The following GNA12 variants were observed in gnomAD, a reference collection of about 807,000 sequenced individuals.
The protein encoded by GNA12 is G protein subunit alpha 12.
In GNA12, 9 loss-of-function variants were observed where a neutral mutation model predicts 26.0. The observed-to-expected ratio is 0.35, with a 90% CI of 0.21 to 0.60. The LOEUF (loss-of-function observed/expected upper bound fraction) is 0.60, where lower values mean the gene tolerates loss of function less well. Among genes scored for constraint, GNA12 ranks in the 20% least tolerant of loss-of-function variants. GNA12 has a pLI of 0.78. For synonymous variants in GNA12, 264 were observed against 219.6 expected, an observed-to-expected ratio of 1.20 and a Z score of -1.79; for missense variants, 405 against 525.8, an observed-to-expected ratio of 0.77 and a Z score of 2.25.
rs140322696 is a variant in GNA12, at chr7:2,731,302, C to A, written c.1025G>T (p.Arg342Leu). Reference protein sequence around the residue: ...VQCFDRKRRNRSKPLFHHFTT... With the variant: ...VQCFDRKRRNLSKPLFHHFTT... ...GAAGTGGTGGAAGAGTGGCTTGCTG[C>A]GGTTCCGTCTCTTCCTGTCGAAGCA... Residue 342 changes from arginine (R) to leucine (L), a missense_variant, in exon 4 of 4, where the codon CGC becomes CTC. Transcript: ENST00000275364. This position sits in a 1 kb window ranked among gnomAD's most constrained non-coding sequence, Gnocchi z 6.0. 4 of 1,613,682 alleles carry A rather than the reference C, an allele frequency of 2.5e-6. No homozygotes were observed. The Admixed American group carries it at 6.7e-5, about 27-fold the overall frequency.
chr7:2,794,185 CA>C (rs1792590246), intron 2 of GNA12, among the ~76,000 whole-genome samples: 1 of 152,118 alleles, frequency 6.6e-6, no homozygotes, highest in Non-Finnish European at 1.5e-5. Flanking sequence ...GGTATTATGG[CA>C]AAATCATAAG....
At chr7:2,794,839 C>T in intron 2 of GNA12, 89 bp downstream of exon 2, 2 of 950,962 alleles carry the variant, frequency 2.1e-6, no homozygotes, top group South Asian at 1.4e-5. Flanking sequence ...GACTGTTACA[C>T]AGTTTTTAAG....
intron 2 of GNA12, among the ~76,000 whole-genome samples, chr7:2,747,903 T>C: frequency 6.6e-6 from 1 of 151,836 alleles, no homozygotes; most frequent in African/African-American, 2.4e-5. Context: ...TGAACTCCCA[T>C]TCACAATTGC....
At chr7:2,804,471 G>A (rs1411173648) in intron 1 of GNA12, among the ~76,000 whole-genome samples, 1 of 152,174 alleles carries the variant, frequency 6.6e-6, no homozygotes, top group East Asian at 1.9e-4. Context: ...TCTTGTAGAT[G>A]AGCCTGCTAC....
At chr7:2,735,306 T>C (rs1583208803) in intron 2 of GNA12, among the ~76,000 whole-genome samples, 1 of 152,312 alleles carries the variant, frequency 6.6e-6, no homozygotes, top group East Asian at 1.9e-4. Flanking sequence ...CAAGCCACCC[T>C]TGCCCGTTTC....
intron 1 of GNA12, chr7:2,814,398 C>T: frequency 1.3e-6 from 2 of 1,527,054 alleles, no homozygotes; most frequent in East Asian, 2.2e-5. Flanking sequence ...CCCTGCAAGT[C>T]AACATTTAAG....
intron 1 of GNA12, among the ~76,000 whole-genome samples, chr7:2,831,435 A>C: frequency 1.6e-5 from 2 of 128,084 alleles, no homozygotes; most frequent in Admixed American, 9.3e-5. Context: ...ATGGAGTCTC[A>C]CTCTGTCGCC....
chr7:2,744,286 C>G (rs939569067), intron 2 of GNA12, among the ~76,000 whole-genome samples: 2 of 152,210 alleles, frequency 1.3e-5, no homozygotes, highest in African/African-American at 4.8e-5. Flanking sequence ...GGCGGACTGA[C>G]ACCTCACACG....
chr7:2,769,017 C>G (rs56015616), intron 2 of GNA12, among the ~76,000 whole-genome samples: 1 of 152,208 alleles, frequency 6.6e-6, no homozygotes, highest in African/African-American at 2.4e-5. Flanking sequence ...AGTTCTCCTG[C>G]CTCAGCCTCC....
At chr7:2,761,731 G>C (rs994320977) in intron 2 of GNA12, among the ~76,000 whole-genome samples, 5 of 152,118 alleles carry the variant, frequency 3.3e-5, no homozygotes, top group African/African-American at 1.2e-4. Flanking sequence ...ACAATGAAGA[G>C]TTGACAAGAT....
chr7:2,781,412 C>CTCTGTG (rs1316237631), intron 2 of GNA12, among the ~76,000 whole-genome samples: 1 of 143,616 alleles, frequency 7.0e-6, no homozygotes, highest in Non-Finnish European at 1.5e-5. Flanking sequence ...AAGTAAGTGT[C>CTCTGTG]TGTGTGTGTG....
rs144576571 is a variant in GNA12, at chr7:2,810,526, C to T, written c.310-15383G>A. ...ACCATGCTACAGCCTTTAGAAGGAACTTACTCCTTGGGTTTTGTCAATAAT... is the reference window on the plus strand; with the variant it reads ...ACCATGCTACAGCCTTTAGAAGGAATTTACTCCTTGGGTTTTGTCAATAAT... On this transcript the variant is annotated intron_variant, in intron 1 of 3. Transcript: ENST00000275364. 2.0e-3 allele frequency among the ~76,000 whole-genome samples: 297 copies of T among 152,212 alleles called. 2 individuals are homozygous for T. Among genetic ancestry groups the T allele is most frequent in the Non-Finnish European group, 3.2e-3 (217 of 68,032 alleles).
intron 2 of GNA12, among the ~76,000 whole-genome samples, chr7:2,751,921 A>G (rs1373320415): frequency 1.3e-5 from 2 of 152,230 alleles, no homozygotes; most frequent in African/African-American, 4.8e-5. Context: ...ACTATCAAAC[A>G]CGTAAAGAAG....
chr7:2,825,946 C>T (rs1793475353), intron 1 of GNA12, among the ~76,000 whole-genome samples: 2 of 152,074 alleles, frequency 1.3e-5, no homozygotes, highest in South Asian at 4.2e-4. Context: ...ACTGAGATGC[C>T]ATTCCTCACC....
At chr7:2,842,099 A>AAGAGAAG (rs769696691) in intron 1 of GNA12, among the ~76,000 whole-genome samples, 7 of 104,068 alleles carry the variant, frequency 6.7e-5, no homozygotes, top group Non-Finnish European at 1.3e-4. Context: ...GAAAGGAAGG[A>AAGAGAAG]AAGGAAGGAA....
intron 2 of GNA12, among the ~76,000 whole-genome samples, chr7:2,746,166 A>G (rs57612224): frequency 2.1e-4 from 32 of 152,340 alleles, no homozygotes; most frequent in African/African-American, 7.0e-4. Context: ...TGCACCAAGC[A>G]GACCTAATAG....
chr7:2,822,302 T>A (rs1016010690), intron 1 of GNA12, among the ~76,000 whole-genome samples: 2 of 152,092 alleles, frequency 1.3e-5, no homozygotes, highest in Admixed American at 1.3e-4. Context: ...TCTTCAGAAT[T>A]CAGAGATCTA....
At chr7:2,768,834 C>G (rs1013099133) in intron 2 of GNA12, among the ~76,000 whole-genome samples, 2 of 152,334 alleles carry the variant, frequency 1.3e-5, no homozygotes, top group Admixed American at 1.3e-4. Flanking sequence ...GAGAAATCTA[C>G]ACTTTAATGA....
intron 1 of GNA12, among the ~76,000 whole-genome samples, chr7:2,826,503 C>T (rs1793488682): frequency 6.6e-6 from 1 of 152,090 alleles, no homozygotes; most frequent in African/African-American, 2.4e-5. Context: ...TTTACCACAG[C>T]TTTATTCATA....
Sources: gnomAD v4.1 joint callset for allele counts (sites outside exome capture counted in the v4.1 genomes callset) on GRCh38, gnomAD v4.1.1 for gene constraint, Gnocchi (gnomAD v3.1) non-coding constraint, MANE v1.5 for transcripts, NCBI Gene and HGNC (gene_info 2026-07-23, HGNC 2026-07-21) for gene names.